RAPGEF5: variants seen among roughly 807,000 people sequenced by gnomAD.
RAPGEF5 encodes the protein Rap guanine nucleotide exchange factor 5, also known as M-Ras-regulated GEF.
Under a neutral mutation model 125.2 loss-of-function variants are expected in RAPGEF5, and 65 were observed. That is an observed-to-expected ratio of 0.52 (90% CI 0.43 to 0.64). RAPGEF5 has a LOEUF of 0.64. Ranked by LOEUF, RAPGEF5 falls within the 30% of genes least tolerant of loss-of-function variation. RAPGEF5 has a pLI of 0.00. For missense variants in RAPGEF5, 958 were observed against 1,048.1 expected, an observed-to-expected ratio of 0.91 and a Z score of 1.19; for synonymous variants, 391 against 385.9, an observed-to-expected ratio of 1.01 and a Z score of -0.16.
At chr7:22,309,877 C>G in intron 4 of RAPGEF5, 92 bp downstream of exon 4, 1 of 1,342,064 alleles carries the variant, frequency 7.5e-7, no homozygotes, top group South Asian at 1.5e-5. Context: ...TAATTTCCAT[C>G]CAGACTGTAA....
In RAPGEF5 at chr7:22,219,961, C is replaced by A. The variant is rs773782463; in HGVS notation, c.901G>T (p.Asp301Tyr). 2.0e-5 allele frequency: 32 copies of A among 1,613,522 alleles called. No individual in the cohort carries two copies. Among genetic ancestry groups the A allele is most frequent in the Non-Finnish European group, 2.5e-5 (30 of 1,179,690 alleles). The change falls in exon 9 of 26, where the codon GAT (aspartate) becomes TAT (tyrosine). Residue 301 changes from aspartate to tyrosine, a missense_variant. Asp to Tyr is a radical substitution (Grantham distance 160). Coordinates refer to ENST00000665637, the MANE Select transcript of RAPGEF5 (RefSeq NM_012294.5). ...AGVMCKLQER[D>Y]EIGRIELVQK... The stretch of plus-strand genomic sequence containing the variant: ...ACTAGTTCAATTCGTCCGATTTCAT[C>A]TCTTTCCTGGAGCTTGCACATCACC...
chr7:22,351,319 A>G (rs570331984), intron 1 of RAPGEF5, among the ~76,000 whole-genome samples: 7 of 152,320 alleles, frequency 4.6e-5, no homozygotes, highest in African/African-American at 1.4e-4. Context: ...GCCCAAATAA[A>G]AGTGAAAAGT....
chr7:22,305,276 C>T (rs1408740661), intron 5 of RAPGEF5, among the ~76,000 whole-genome samples: 3 of 152,168 alleles, frequency 2.0e-5, no homozygotes, highest in African/African-American at 7.2e-5. Flanking sequence ...CAGTGCCTGA[C>T]CTAAAATTCA....
rs1783634774 is a variant in RAPGEF5 at position 22,317,884 on chromosome 7, T to A, written c.282+103A>T. On this transcript the variant is annotated intron_variant, in intron 2 of 25. Coordinates refer to ENST00000665637, the MANE Select transcript of RAPGEF5 (RefSeq NM_012294.5). ...TCACTGCAGCATCCCTGCAAAACTC[T>A]ATGTGGTCAGGAGCAAAGGGAACAA... The A allele has an allele frequency of 2.0e-6, 3 of 1,471,216 alleles. No homozygotes were observed. The Admixed American group carries it at 7.1e-5, about 35-fold the overall frequency. 91.1% of individuals were successfully genotyped at this position (1,471,216 alleles called of 1,614,324 possible).
chr7:22,146,358 A>G (rs895509931), intron 19 of RAPGEF5, among the ~76,000 whole-genome samples: 6 of 152,184 alleles, frequency 3.9e-5, no homozygotes, highest in African/African-American at 1.4e-4. Flanking sequence ...CTATTTCCCA[A>G]TCTATTGTTT....
At chr7:22,138,617 G>A (rs905245547) in intron 21 of RAPGEF5, among the ~76,000 whole-genome samples, 1 of 152,296 alleles carries the variant, frequency 6.6e-6, no homozygotes, top group Non-Finnish European at 1.5e-5. Context: ...AGTTTTCTCA[G>A]CTACCCAGAG....
chr7:22,136,782 A>C, intron 22 of RAPGEF5, 151 bp downstream of exon 22: 1 of 663,792 alleles, frequency 1.5e-6, no homozygotes, highest in Non-Finnish European at 2.5e-6. Context: ...GCTTCCCTCC[A>C]TAAGAAGCAA....
chr7:22,122,579 A>T, intron 25 of RAPGEF5, 58 bp from the exon 26 acceptor site: 1 of 1,293,670 alleles, frequency 7.7e-7, no homozygotes, highest in South Asian at 1.2e-5. Context: ...CTGTATCTAC[A>T]TACCAACAAA....
intron 5 of RAPGEF5, chr7:22,298,753 T>G (rs1562516062): frequency 2.0e-5 from 3 of 152,234 alleles, no homozygotes; most frequent in Admixed American, 6.5e-5. Context: ...CATTGTTTCC[T>G]TGTTTGAAGG....
chr7:22,223,397 C>A (rs1583494682), intron 8 of RAPGEF5, among the ~76,000 whole-genome samples: 4 of 152,270 alleles, frequency 2.6e-5, no homozygotes. Flanking sequence ...CTGATAGGGA[C>A]AAAAGCTTTA....
At chr7:22,271,560 A>G (rs892460443) in intron 6 of RAPGEF5, among the ~76,000 whole-genome samples, 4 of 152,254 alleles carry the variant, frequency 2.6e-5, no homozygotes, top group African/African-American at 9.6e-5. Flanking sequence ...AGAACCTTCA[A>G]GTTTAATTTA....
chr7:22,345,751 T>C (rs1053554730), intron 1 of RAPGEF5, among the ~76,000 whole-genome samples: 1 of 151,168 alleles, frequency 6.6e-6, no homozygotes, highest in Non-Finnish European at 1.5e-5. Context: ...AGTGGGAAAT[T>C]TGAATGCTTA....
chr7:22,185,768 AG>A (rs1163216773), intron 11 of RAPGEF5, among the ~76,000 whole-genome samples: 2 of 152,124 alleles, frequency 1.3e-5, no homozygotes, highest in Admixed American at 1.3e-4. Flanking sequence ...TCTGCATCTG[AG>A]GCACACCCAG....
At chr7:22,143,331 C>G (rs1783325314) in intron 20 of RAPGEF5, among the ~76,000 whole-genome samples, 1 of 152,144 alleles carries the variant, frequency 6.6e-6, no homozygotes, top group Non-Finnish European at 1.5e-5. Context: ...GAAAAATTAT[C>G]CTACTCTTGG....
chr7:22,140,415 T>C (rs899010050), intron 20 of RAPGEF5, among the ~76,000 whole-genome samples: 2 of 152,186 alleles, frequency 1.3e-5, no homozygotes. Flanking sequence ...AGCACTCTTT[T>C]AAATTCATGT....
chr7:22,272,065 C>A (rs960094269), intron 6 of RAPGEF5, among the ~76,000 whole-genome samples: 1 of 151,816 alleles, frequency 6.6e-6, no homozygotes, highest in African/African-American at 2.4e-5. Context: ...AAAGTTGGGC[C>A]GGGCGCGGTG....
At chr7:22,289,298 T>C (rs969141046) in intron 6 of RAPGEF5, among the ~76,000 whole-genome samples, 2 of 152,396 alleles carry the variant, frequency 1.3e-5, no homozygotes, top group African/African-American at 4.8e-5. Context: ...TTATTTATTA[T>C]ATATTTTTAA....
At chr7:22,139,236 A>T (rs1409005728) in intron 21 of RAPGEF5, among the ~76,000 whole-genome samples, 1 of 152,172 alleles carries the variant, frequency 6.6e-6, no homozygotes, top group African/African-American at 2.4e-5. Context: ...GAGGCTGAGG[A>T]GACCACAGTG....
At chr7:22,239,918 T>C (rs924379326) in intron 7 of RAPGEF5, among the ~76,000 whole-genome samples, 7 of 150,612 alleles carry the variant, frequency 4.6e-5, no homozygotes, top group Admixed American at 4.0e-4. Flanking sequence ...GGAAAAAAGG[T>C]TTTTTTTTGG....
Sources: gnomAD v4.1 joint callset for allele counts (sites outside exome capture counted in the v4.1 genomes callset) on GRCh38, gnomAD v4.1.1 for gene constraint, MANE v1.5 for transcripts, NCBI Gene and HGNC (gene_info 2026-07-23, HGNC 2026-07-21) for gene names.